The following TRIP10 variants were observed in gnomAD, a reference collection of about 807,000 sequenced individuals.
TRIP10 encodes thyroid hormone receptor interactor 10.
TRIP10 carries 54 observed loss-of-function variants against 80.9 expected under a neutral mutation model. The observed-to-expected ratio is 0.67, with a 90% confidence interval of 0.54 to 0.84. The LOEUF is 0.84. Among genes scored for constraint, TRIP10 ranks in the 40% least tolerant of loss-of-function variants. The pLI is 0.00. For synonymous variants in TRIP10, 321 were observed against 307.2 expected, an observed-to-expected ratio of 1.04 and a Z score of -0.47; for missense variants, 773 against 815.3, an observed-to-expected ratio of 0.95 and a Z score of 0.63.
chr19:6,739,757 G>T lies in TRIP10; in HGVS notation c.-5G>T. ...GGTGGCTGCGGCGGCGGCGGCGGGA[G>T]CAGCATGGATTGGGGCACTGAGCTG... On this transcript the variant is annotated 5_prime_UTR_variant, in exon 1 of 15. Transcript: ENST00000313244. The T allele has an allele frequency of 7.0e-7, 1 of 1,426,868 alleles. No individual in the cohort carries two copies. The highest frequency in any genetic ancestry group is 9.2e-7 in the Non-Finnish European group (1 of 1,083,370). The allele number at this position is 1,426,868 out of a possible 1,614,324, so 88.4% of individuals were successfully genotyped here. A position where few individuals can be genotyped will look rare whatever the true frequency, so the allele number is the denominator to read the frequency against.
At chr19:6,743,888 G>C in intron 7 of TRIP10, 52 bp downstream of exon 7, 2 of 1,604,718 alleles carry the variant, frequency 1.2e-6, no homozygotes, top group Non-Finnish European at 1.7e-6. Context: ...CCAAATGTTA[G>C]CCAACTCCTA....
chr19:6,749,461 C>G (rs1408904934), intron 11 of TRIP10, among the ~76,000 whole-genome samples: 1 of 152,154 alleles, frequency 6.6e-6, no homozygotes, highest in Admixed American at 6.5e-5. Flanking sequence ...AGGAAATATT[C>G]AAACTGAGAT....
rs758295178 is a variant in TRIP10 at position 6,750,495 on chromosome 19, G to A, written c.1536-17G>A. Reference sequence around the variant, plus strand: ...CCAGGAGGGCCTGTCTTTATCTGCCGAATTATCCCCAAACAGCTCTGAAGA... The same window carrying A: ...CCAGGAGGGCCTGTCTTTATCTGCCAAATTATCCCCAAACAGCTCTGAAGA... On this transcript the variant is annotated splice_polypyrimidine_tract_variant and intron_variant, in intron 13 of 14. Transcript: ENST00000313244. The A allele has an allele frequency of 1.4e-5, 22 of 1,613,908 alleles. No individual in the cohort carries two copies. The highest frequency in any genetic ancestry group is 1.7e-4 in the Middle Eastern group (1 of 6,058).
In TRIP10 at chr19:6,740,991, C is replaced by G; in HGVS notation, c.25-19C>G. 6.2e-7 allele frequency: 1 copy of G among 1,606,916 alleles called. No individual in the cohort carries two copies. The highest frequency in any genetic ancestry group is 8.5e-7 in the Non-Finnish European group (1 of 1,174,638). ...ACCCCGGCCCCTCTCCCCTCCTCCC[C>G]CACCATGTCCCATGTCAGGATCAGT... is the stretch of plus-strand genomic sequence containing the variant. On this transcript the variant is annotated intron_variant, in intron 1 of 14. Transcript: ENST00000313244.
At chr19:6,740,191 C>T (rs1968867756) in intron 1 of TRIP10, among the ~76,000 whole-genome samples, 1 of 152,318 alleles carries the variant, frequency 6.6e-6, no homozygotes, top group East Asian at 1.9e-4. Flanking sequence ...TCATCCCCAC[C>T]CACGTGGGAC....
In TRIP10 at chr19:6,750,795, A is replaced by G. The variant is rs537133714; in HGVS notation, c.1657+162A>G. ...CAGATCACTTGAGGTCAAGAATTCC[A>G]TACCAGCCTGGCGAACACGGTGAAA... On this transcript the variant is annotated intron_variant, in intron 14 of 14. Transcript: ENST00000313244. Among the ~76,000 whole-genome samples the G allele has an allele frequency of 1.2e-4, 19 of 152,306 alleles. No homozygotes were observed. The South Asian group carries it at 3.7e-3, about 30-fold the overall frequency.
At chr19:6,747,294 C>T (rs957491355) in intron 11 of TRIP10, among the ~76,000 whole-genome samples, 2 of 151,974 alleles carry the variant, frequency 1.3e-5, no homozygotes, top group African/African-American at 4.8e-5. Context: ...ACTTGCACTT[C>T]AGCCTGGGTG....
rs750221894 is a variant in TRIP10, at chr19:6,744,568, G to A, written c.657G>A (p.Met219Ile). The A allele has an allele frequency of 9.3e-6, 15 of 1,614,148 alleles. No individual in the cohort carries two copies. In the South Asian group the frequency reaches 1.4e-4, roughly 15 times the overall value. Residue 219 changes from methionine (M) to isoleucine (I), a missense_variant, in exon 8 of 15, where the codon ATG (methionine) becomes ATA (isoleucine). Physicochemically the swap from Met to Ile is conservative, Grantham distance 10. Transcript: ENST00000313244. This position sits in a 1 kb window ranked among gnomAD's most constrained non-coding sequence, Gnocchi z 4.9. The part of the protein sequence containing the change: ...MPQIFDKLQD[M>I]DERRATRLGA... ...TGTCCTTACAGAAGCTCCAAGACAT[G>A]GATGAACGCAGGGCCACCCGCCTGG...
Position 6,744,892 on chromosome 19 carries a change from A to C in TRIP10, c.882A>C (p.Ala294=), listed in dbSNP as rs62125118. 24,087 of 1,614,050 alleles carry C rather than the reference A, an allele frequency of 0.015. 259 individuals are homozygous for C. The highest frequency in any genetic ancestry group is 0.035 in the South Asian group (3,173 of 91,074). The change falls in exon 9 of 15, where the codon GCA becomes GCC. Residue 294 remains alanine (A), a synonymous_variant. Coordinates refer to ENST00000313244, the MANE Select transcript of TRIP10 (RefSeq NM_001288962.2). The surrounding 1 kb of genome is among the most constrained non-coding windows in gnomAD (Gnocchi z 4.9). The stretch of plus-strand genomic sequence containing the variant: ...ACTTCAGCCAGCCCATGAACCGTGC[A>C]CCCTCCGACAGCAGTCTGGGCACCC... The part of the protein sequence containing the change: ...FEDFSQPMNR[A]PSDSSLGTPS...
chr19:6,740,890 C>T (rs1968896388), intron 1 of TRIP10, 120 bp from the exon 2 acceptor site: 2 of 834,052 alleles, frequency 2.4e-6, no homozygotes, highest in Non-Finnish European at 3.7e-6. Flanking sequence ...CGCCGGGAAG[C>T]CACTCCTTCT....
At chr19:6,743,625 G>GGGGGGGGGGGT in intron 6 of TRIP10, 27 bp downstream of exon 6, 1 of 1,295,430 alleles carries the variant, frequency 7.7e-7, no homozygotes, top group Non-Finnish European at 1.1e-6. Context: ...CGGGGGGGGG[G>GGGGGGGGGGGT]TGCGGGGTCT....
rs1405590365 is a variant in TRIP10, at chr19:6,746,085, C to T, written c.1041C>T (p.Asn347=). 11 of 1,457,970 alleles carry T rather than the reference C, an allele frequency of 7.5e-6. No homozygotes were observed. Among genetic ancestry groups the T allele is most frequent in the South Asian group, 3.7e-5 (3 of 81,152 alleles). The allele number at this position is 1,457,970 out of a possible 1,614,324, so 90.3% of individuals were successfully genotyped here. The change falls in exon 10 of 15, where the codon AAC becomes AAT. Residue 347 remains asparagine, a synonymous_variant. Coordinates refer to ENST00000313244, the MANE Select transcript of TRIP10 (RefSeq NM_001288962.2). This position sits in a 1 kb window ranked among gnomAD's most constrained non-coding sequence, Gnocchi z 6.2. ...GCCCCGTACCCTCGGCATTGCCTAA[C>T]GGACCCCCGTCCCCCCGCTCCGGCC... is the stretch of plus-strand genomic sequence containing the variant. ...LGGPVPSALP[N]GPPSPRSGRD...
chr19:6,744,543 T>G lies in TRIP10; in HGVS notation c.643-11T>G. The G allele has an allele frequency of 6.2e-7, 1 of 1,613,902 alleles. No individual in the cohort carries two copies. Among genetic ancestry groups the G allele is most frequent in the African/African-American group, 1.3e-5 (1 of 75,064 alleles). On this transcript the variant is annotated splice_polypyrimidine_tract_variant and intron_variant, in intron 7 of 14. Transcript: ENST00000313244. The surrounding 1 kb of genome is among the most constrained non-coding windows in gnomAD (Gnocchi z 4.9). ...AGCACCCCTGAGCCACCCTTGTCCC[T>G]GTCCTTACAGAAGCTCCAAGACATG... is the stretch of plus-strand genomic sequence containing the variant.
In TRIP10 at chr19:6,745,662, A is replaced by G. The variant is rs1969096902; in HGVS notation, c.985-367A>G. The G allele has an allele frequency of 1.0e-6, 1 of 985,268 alleles. No individual in the cohort carries two copies. The highest frequency in any genetic ancestry group is 1.1e-4 in the East Asian group (1 of 8,800). 61.0% of individuals were successfully genotyped at this position (985,268 alleles called of 1,614,324 possible). The stretch of plus-strand genomic sequence containing the variant: ...TGTCAGCCCAGAAAGCTAAGTGGAC[A>G]GAGAGACATGGGCCTCCCTGCCTCC... On this transcript the variant is annotated intron_variant, in intron 9 of 14. Transcript: ENST00000313244. The surrounding 1 kb of genome is among the most constrained non-coding windows in gnomAD (Gnocchi z 7.2).
In TRIP10 at chr19:6,746,341, T is replaced by C. The variant is rs167973; in HGVS notation, c.1153-111T>C. On this transcript the variant is annotated intron_variant, in intron 10 of 14. Transcript: ENST00000313244. The surrounding 1 kb of genome is among the most constrained non-coding windows in gnomAD (Gnocchi z 6.2). ...AGACCTGCTTTGCTCTGTGCATGGC[T>C]TCGCTGTCAAGAACCATGGCTGGGG... 2,679 of 1,540,352 alleles carry C rather than the reference T, an allele frequency of 1.7e-3. 42 individuals carry two copies. In the African/African-American group the frequency reaches 0.03, roughly 17 times the overall value.
chr19:6,743,615 C>CGGGGGGGGGGGTGGGGGGGG lies in TRIP10; in HGVS notation c.513+27_513+28insGTGGGGGGGGGGGGGGGGGG. On this transcript the variant is annotated intron_variant, in intron 6 of 14. Transcript: ENST00000313244. ...GTGGAGAAGGTGTGTGTGGCGGGGG[C>CGGGGGGGGGGGTGGGGGGGG]GGGGGGGGGGTGCGGGGTCTGGGAC... 1.3e-6 allele frequency: 1 copy of CGGGGGGGGGGGTGGGGGGGG among 770,176 alleles called. No homozygotes were observed. The highest frequency in any genetic ancestry group is 2.7e-4 in the Middle Eastern group (1 of 3,702). The allele number at this position is 770,176 out of a possible 1,614,324, so 47.7% of individuals were successfully genotyped here. A position where few individuals can be genotyped will look rare whatever the true frequency, so the allele number is the denominator to read the frequency against.
Position 6,751,398 on chromosome 19 carries a change from C to T in TRIP10, c.*187C>T, listed in dbSNP as rs1331868012. The T allele has an allele frequency of 1.9e-5, 25 of 1,331,228 alleles. No homozygotes were observed. Among genetic ancestry groups the T allele is most frequent in the Non-Finnish European group, 2.3e-5 (24 of 1,024,436 alleles). The allele number at this position is 1,331,228 out of a possible 1,614,324, so 82.5% of individuals were successfully genotyped here. On this transcript the variant is annotated 3_prime_UTR_variant, in exon 15 of 15. Coordinates refer to ENST00000313244, the MANE Select transcript of TRIP10 (RefSeq NM_001288962.2). ...ACGGACCCGCTGTGCCTTCTACCAT[C>T]GTTCCACCATTGATGTACATACTCA...
chr19:6,745,530 G>C lies in TRIP10; in HGVS notation c.985-499G>C, dbSNP rs1308303946. On this transcript the variant is annotated intron_variant, in intron 9 of 14. Transcript: ENST00000313244. The surrounding 1 kb of genome is among the most constrained non-coding windows in gnomAD (Gnocchi z 7.2). ...TGCCCCTAACCCCTCTCATTTTCCT[G>C]CCTTCCACTCCCTCTCGGCTTGTGG... is the stretch of plus-strand genomic sequence containing the variant. 2 of 982,026 alleles carry C rather than the reference G, an allele frequency of 2.0e-6. No individual in the cohort carries two copies. The highest frequency in any genetic ancestry group is 1.2e-4 in the Admixed American group (2 of 16,212). 60.8% of individuals were successfully genotyped at this position (982,026 alleles called of 1,614,324 possible).
In TRIP10 at chr19:6,745,258, G is replaced by A. The variant is rs190858868; in HGVS notation, c.984+264G>A. 3.8e-6 allele frequency: 2 copies of A among 527,062 alleles called. No individual in the cohort carries two copies. The highest frequency in any genetic ancestry group is 3.5e-5 in the East Asian group (1 of 28,664). The allele number at this position is 527,062 out of a possible 1,614,324, so 32.6% of individuals were successfully genotyped here. On this transcript the variant is annotated intron_variant, in intron 9 of 14. Transcript: ENST00000313244. The surrounding 1 kb of genome is among the most constrained non-coding windows in gnomAD (Gnocchi z 7.2). ...CGGGATGCTGGGAGAAAACCTGCTG[G>A]TGGAATTCAGGGCTGGCCTGAGGGC...
Sources: gnomAD v4.1 joint callset for allele counts (sites outside exome capture counted in the v4.1 genomes callset) on GRCh38, gnomAD v4.1.1 for gene constraint, Gnocchi (gnomAD v3.1) non-coding constraint, MANE v1.5 for transcripts, NCBI Gene and HGNC (gene_info 2026-07-23, HGNC 2026-07-21) for gene names.